ERGIC3: variants seen among roughly 807,000 people sequenced by gnomAD.
ERGIC3 encodes the protein ERGIC and golgi 3.
ERGIC3 carries 33 observed loss-of-function variants against 54.7 expected under a neutral mutation model. The observed-to-expected ratio is 0.60, with a 90% CI of 0.46 to 0.81. The LOEUF is 0.81. Among genes scored for constraint, ERGIC3 ranks in the 30% least tolerant of loss-of-function variants. The pLI is 0.00. For missense variants in ERGIC3, 399 were observed against 488.4 expected (o/e 0.82, Z 1.73); for synonymous variants, 186 against 189.8 (o/e 0.98, Z 0.16).
Position 35,550,146 on chromosome 20 carries a change from A to G in ERGIC3, c.685+1281A>G, listed in dbSNP as rs547615962. On this transcript the variant is annotated intron_variant, in intron 7 of 12. Coordinates refer to ENST00000348547, the MANE Select transcript of ERGIC3 (RefSeq NM_015966.3). Reference sequence around the variant, plus strand: ...CAGGGAAAAACTCTTTGATGAGGTAATATTTTAGCAAAGACCTGAAGACAG... The same window carrying G: ...CAGGGAAAAACTCTTTGATGAGGTAGTATTTTAGCAAAGACCTGAAGACAG... 2.8e-4 allele frequency among the ~76,000 whole-genome samples: 43 copies of G among 152,138 alleles called. 1 individual carries two copies. The South Asian group carries it at 8.9e-3, about 32-fold the overall frequency.
chr20:35,557,119 G>C lies in ERGIC3; in HGVS notation c.1016+10G>C, dbSNP rs747170826. 11 of 1,614,222 alleles carry C rather than the reference G, an allele frequency of 6.8e-6. No homozygotes were observed. The highest frequency in any genetic ancestry group is 9.3e-6 in the Non-Finnish European group (11 of 1,180,024). ...TGACGGAGAAGCACAGGTGAGGATG[G>C]GGGCAAAGCGGCCTCTGGGGGCCTG... On this transcript the variant is annotated intron_variant, in intron 11 of 12. Coordinates refer to ENST00000348547, the MANE Select transcript of ERGIC3 (RefSeq NM_015966.3).
chr20:35,556,153 C>A, intron 9 of ERGIC3, 24 bp downstream of exon 9: 2 of 1,614,176 alleles, frequency 1.2e-6, no homozygotes, highest in East Asian at 4.5e-5. Context: ...AGGCAGCCCC[C>A]AGCCGCAGAA....
At position 35,548,601 on chromosome 20, in the gene ERGIC3, A is replaced by T. The variant is rs2064664113; in HGVS notation, c.554A>T (p.Glu185Val). The T allele has an allele frequency of 1.9e-6, 3 of 1,614,208 alleles. No homozygotes were observed. The highest frequency in any genetic ancestry group is 2.5e-6 in the Non-Finnish European group (3 of 1,180,032). Residue 185 changes from glutamate (E) to valine (V), a missense_variant, in exon 6 of 13, where the codon GAG becomes GTG. By Grantham distance (121) the Glu-to-Val change is moderately radical (BLOSUM62 -2). Coordinates refer to ENST00000348547, the MANE Select transcript of ERGIC3 (RefSeq NM_015966.3). ...NPDTIEQCRR[E>V]GFSQKMQEQK... ...GATACTATTGAGCAGTGCCGGCGAG[A>T]GGGCTTCAGCCAGAAGATGCAGGAG...
chr20:35,548,021 AT>A (rs199844259), intron 5 of ERGIC3, among the ~76,000 whole-genome samples: 2 of 151,722 alleles, frequency 1.3e-5, no homozygotes, highest in East Asian at 1.9e-4. Flanking sequence ...GTGTACTTAA[AT>A]TTTTTTTTAT....
At chr20:35,551,457 A>C (rs2064681432) in intron 7 of ERGIC3, among the ~76,000 whole-genome samples, 1 of 152,120 alleles carries the variant, frequency 6.6e-6, no homozygotes, top group Non-Finnish European at 1.5e-5. Context: ...GGTGTCAAGT[A>C]AGTTTTCCAT....
chr20:35,557,549 G>T lies in ERGIC3; in HGVS notation c.*45G>T. 6.3e-7 allele frequency: 1 copy of T among 1,574,974 alleles called. No individual in the cohort carries two copies. The highest frequency in any genetic ancestry group is 8.7e-7 in the Non-Finnish European group (1 of 1,145,488). On this transcript the variant is annotated 3_prime_UTR_variant, in exon 13 of 13. Coordinates refer to ENST00000348547, the MANE Select transcript of ERGIC3 (RefSeq NM_015966.3). Reference sequence around the variant, plus strand: ...TGTCTCCTCTTTCTCCCTGGCCTGTGGTTGTCCCCCAGCCTCTGCCACCCT... The same window carrying T: ...TGTCTCCTCTTTCTCCCTGGCCTGTTGTTGTCCCCCAGCCTCTGCCACCCT...
chr20:35,553,799 C>T (rs577557853), intron 7 of ERGIC3, among the ~76,000 whole-genome samples: 23 of 152,236 alleles, frequency 1.5e-4, no homozygotes, highest in African/African-American at 5.1e-4. Context: ...CAAGGTCTGG[C>T]GGGCACTCAG....
At chr20:35,554,868 CAGGCCCA>C (rs1281932263) in intron 7 of ERGIC3, 169 bp from the exon 8 acceptor site, 2 of 763,542 alleles carry the variant, frequency 2.6e-6, no homozygotes, top group Middle Eastern at 3.3e-4. Flanking sequence ...AACTCTCACA[CAGGCCCA>C]AGGCTTGCCC....
intron 4 of ERGIC3, 81 bp from the exon 5 acceptor site, chr20:35,547,331 C>A: frequency 9.7e-7 from 1 of 1,032,310 alleles, no homozygotes; most frequent in Non-Finnish European, 1.5e-6. Flanking sequence ...TATCCCTAAG[C>A]AAAGGGCTTG....
In ERGIC3 at chr20:35,548,738, G is replaced by A. The variant is rs1333204583; in HGVS notation, c.627+64G>A. On this transcript the variant is annotated intron_variant, in intron 6 of 12. Coordinates refer to ENST00000348547, the MANE Select transcript of ERGIC3 (RefSeq NM_015966.3). ...CTGGGCAAGCTCCACTGGGAACCGA[G>A]GGCCCAGTCAGGCCCTGAGTAGGCA... The A allele has an allele frequency of 3.7e-6, 6 of 1,613,940 alleles. No individual in the cohort carries two copies. In the East Asian group the frequency reaches 6.7e-5, roughly 18 times the overall value.
intron 8 of ERGIC3, 66 bp downstream of exon 8, chr20:35,555,141 C>T: frequency 6.3e-7 from 1 of 1,575,762 alleles, no homozygotes. Context: ...GCCTTCATTT[C>T]CTTGTAGGAA....
At chr20:35,543,939 G>C (rs1008701178) in intron 4 of ERGIC3, 16 of 330,000 alleles carry the variant, frequency 4.8e-5, no homozygotes, top group Non-Finnish European at 9.0e-5. Flanking sequence ...GGAGTGGCTT[G>C]TTTGGGTGAT....
chr20:35,553,190 CAG>C (rs1366755914), intron 7 of ERGIC3, among the ~76,000 whole-genome samples: 4 of 28,424 alleles, frequency 1.4e-4, no homozygotes, highest in Admixed American at 3.5e-4. Context: ...TTTTTTTTTG[CAG>C]AGACAGGGTC....
At chr20:35,555,350 G>A (rs962463245) in intron 8 of ERGIC3, among the ~76,000 whole-genome samples, 7 of 152,092 alleles carry the variant, frequency 4.6e-5, no homozygotes, top group East Asian at 1.9e-4. Flanking sequence ...AAGGAACTGC[G>A]GGGCAGGTGT....
Position 35,542,515 on chromosome 20 carries a change from G to A in ERGIC3, c.162G>A (p.Val54=). Residue 54 remains valine, a splice_region_variant and synonymous_variant, in exon 3 of 13, where the codon GTG becomes GTA. Transcript: ENST00000348547. Reference sequence around the variant, plus strand: ...TTACTGAGGTAGCGCTGCCCCAGGTGCATCCTGAGCTCTACGTGGACAAGT... The same window carrying A: ...TTACTGAGGTAGCGCTGCCCCAGGTACATCCTGAGCTCTACGTGGACAAGT... ...SELQYYLTTE[V]HPELYVDKSR... is the part of the protein sequence containing the mutation. 1 of 1,613,992 alleles carries A rather than the reference G, an allele frequency of 6.2e-7. No homozygotes were observed. The highest frequency in any genetic ancestry group is 2.2e-5 in the East Asian group (1 of 44,874).
Position 35,547,512 on chromosome 20 carries a change from TGGCGGGGAGCGGGAGCA to T in ERGIC3, c.461+10_461+26del. The T allele has an allele frequency of 6.2e-7, 1 of 1,611,542 alleles. No homozygotes were observed. On this transcript the variant is annotated splice_region_variant and intron_variant, in intron 5 of 12. Coordinates refer to ENST00000348547, the MANE Select transcript of ERGIC3 (RefSeq NM_015966.3). ...CTGAGGCAGAAGATATCAAGTGAGC[TGGCGGGGAGCGGGAGCA>T]GGGTTCCCATCAGGCGCCATCTGTC...
At chr20:35,550,524 G>A (rs563845322) in intron 7 of ERGIC3, among the ~76,000 whole-genome samples, 32 of 152,296 alleles carry the variant, frequency 2.1e-4, no homozygotes, top group Non-Finnish European at 3.5e-4. Context: ...GCTGAGGCAC[G>A]AGAATCTCTT....
At chr20:35,555,115 G>A in intron 8 of ERGIC3, 40 bp downstream of exon 8, 1 of 1,609,098 alleles carries the variant, frequency 6.2e-7, no homozygotes, top group Non-Finnish European at 8.5e-7. Context: ...AGGTGGGGGT[G>A]GGAGGCTTGG....
intron 4 of ERGIC3, chr20:35,543,970 G>T: frequency 3.2e-6 from 1 of 312,170 alleles, no homozygotes; most frequent in South Asian, 2.9e-5. Context: ...GGTATCTCAC[G>T]AGGTTGCAGT....
Sources: allele counts gnomAD v4.1 joint callset (sites outside exome capture counted in the v4.1 genomes callset), GRCh38; gene constraint gnomAD v4.1.1; transcripts MANE v1.5; gene names NCBI Gene and HGNC (gene_info 2026-07-23, HGNC 2026-07-21).